Variants in MICAL3 observed in about 807,000 individuals in gnomAD.
The protein encoded by MICAL3 is microtubule associated monooxygenase, calponin and LIM domain containing 3.
A neutral mutation model predicts 207.4 loss-of-function variants in MICAL3; 62 were observed. That is an observed-to-expected ratio of 0.30 (90% CI 0.24 to 0.37). The LOEUF is 0.37. MICAL3 is among the 10% of genes least tolerant of loss of function. The pLI is 1.00. For missense variants in MICAL3, 2,368 were observed against 2,635.6 expected, an observed-to-expected ratio of 0.90 and a Z score of 2.22; for synonymous variants, 1,077 against 1,069.3, an observed-to-expected ratio of 1.01 and a Z score of -0.14.
intron 1 of MICAL3, among the ~76,000 whole-genome samples, chr22:17,996,657 C>T (rs1443353179): frequency 3.9e-5 from 6 of 152,126 alleles, no homozygotes; most frequent in Admixed American, 1.3e-4. Context: ...CCACCCATCA[C>T]CCAGGGGATC....
At chr22:17,798,018 C>T (rs1370804949) in intron 29 of MICAL3, among the ~76,000 whole-genome samples, 2 of 152,186 alleles carry the variant, frequency 1.3e-5, no homozygotes, top group African/African-American at 4.8e-5. Context: ...GTCCAGCAGA[C>T]CAAAAGAGGG....
chr22:18,019,296 A>G (rs1924277518), intron 1 of MICAL3: 1 of 155,708 alleles, frequency 6.4e-6, no homozygotes, highest in South Asian at 2.1e-4. Context: ...ACATCAATGA[A>G]AAGTTCTGAA....
At chr22:17,863,965 C>T (rs1014034532) in intron 19 of MICAL3, 19 of 985,350 alleles carry the variant, frequency 1.9e-5, no homozygotes, top group Non-Finnish European at 2.3e-5. Flanking sequence ...CAGACAGAAA[C>T]ACAGCCCTGC....
intron 1 of MICAL3, among the ~76,000 whole-genome samples, chr22:17,962,499 G>C (rs1001721429): frequency 6.6e-6 from 1 of 152,188 alleles, no homozygotes; most frequent in Non-Finnish European, 1.5e-5. Context: ...AAGCAGCACC[G>C]CCTGATTGCA....
In MICAL3 at chr22:17,789,965, C is replaced by G. The variant is rs2061811935; in HGVS notation, c.*767G>C. ...AATGTGGAACAGGGACAATGCCTGT[C>G]TGCCAACTGGGGGCTTAGAATGTAG... On this transcript the variant is annotated 3_prime_UTR_variant, in exon 32 of 32. Coordinates refer to ENST00000441493, the MANE Select transcript of MICAL3 (RefSeq NM_015241.3). The G allele has an allele frequency of 6.6e-6, 1 of 152,228 alleles. No homozygotes were observed. Among genetic ancestry groups the G allele is most frequent in the South Asian group, 2.1e-4 (1 of 4,834 alleles). 9.4% of individuals were successfully genotyped at this position (152,228 alleles called of 1,614,324 possible). A position where few individuals can be genotyped will look rare whatever the true frequency, so the allele number is the denominator to read the frequency against.
chr22:17,959,374 G>T (rs1286541128), intron 1 of MICAL3, among the ~76,000 whole-genome samples: 1 of 151,182 alleles, frequency 6.6e-6, no homozygotes, highest in Non-Finnish European at 1.5e-5. Flanking sequence ...GAGTGCAGTG[G>T]CGCAATCTTG....
chr22:17,792,909 G>A (rs2061838571), intron 29 of MICAL3, among the ~76,000 whole-genome samples: 1 of 152,230 alleles, frequency 6.6e-6, no homozygotes, highest in African/African-American at 2.4e-5. Context: ...TCCATGCATT[G>A]CTTTCGGAGC....
chr22:17,805,073 A>G (rs955427080), intron 29 of MICAL3, among the ~76,000 whole-genome samples: 5 of 152,244 alleles, frequency 3.3e-5, no homozygotes, highest in African/African-American at 4.8e-5. Flanking sequence ...CTTGGCTAAC[A>G]AAGTCTGACG....
intron 16 of MICAL3, chr22:17,876,721 T>TGGAGGTTAG (rs796827751): frequency 7.7e-6 from 1 of 129,178 alleles, no homozygotes; most frequent in East Asian, 2.7e-4. Flanking sequence ...AGGGAGGTTA[T>TGGAGGTTAG]GGAGGTTAGG....
rs1001800311 is a variant in MICAL3 at position 17,793,026 on chromosome 22, C to G, written c.5651-1725G>C. ...ACCAGGGAGTCTCTCCCGCTGCCCA[C>G]CTCCCCACGAAGATACAGAAAATGC... On this transcript the variant is annotated intron_variant, in intron 29 of 31. Transcript: ENST00000441493. This position sits in a 1 kb window ranked among gnomAD's most constrained non-coding sequence, Gnocchi z 4.1. Among the ~76,000 whole-genome samples, 1 of 152,162 alleles carries G rather than the reference C, an allele frequency of 6.6e-6. No individual in the cohort carries two copies. The highest frequency in any genetic ancestry group is 1.9e-4 in the East Asian group (1 of 5,158).
chr22:17,825,880 A>G (rs1922126564), intron 22 of MICAL3, among the ~76,000 whole-genome samples: 1 of 152,220 alleles, frequency 6.6e-6, no homozygotes, highest in Non-Finnish European at 1.5e-5. Flanking sequence ...AGGACAACTC[A>G]GGCTGCTCAA....
Position 17,889,354 on chromosome 22 carries a change from G to C in MICAL3, c.1695-124C>G, listed in dbSNP as rs920372134. On this transcript the variant is annotated intron_variant, in intron 12 of 31. Transcript: ENST00000441493. ...AAAATCCAGGGTGCTGTGCATCGCT[G>C]ACATTTGAGAGCAAACCTGTCTTAT... 4 of 623,344 alleles carry C rather than the reference G, an allele frequency of 6.4e-6. No individual in the cohort carries two copies. In the African/African-American group the frequency reaches 7.4e-5, roughly 12 times the overall value. The allele number at this position is 623,344 out of a possible 1,614,324, so 38.6% of individuals were successfully genotyped here.
chr22:17,825,631 C>T (rs1052441313), intron 22 of MICAL3, among the ~76,000 whole-genome samples: 2 of 152,180 alleles, frequency 1.3e-5, no homozygotes, highest in African/African-American at 2.4e-5. Context: ...CTCCCATGTC[C>T]GCATCCCAGA....
At position 17,967,744 on chromosome 22, in the gene MICAL3, T is replaced by C. The variant is rs185090658; in HGVS notation, c.-75+56537A>G. Among the ~76,000 whole-genome samples, 470 of 150,936 alleles carry C rather than the reference T, an allele frequency of 3.1e-3. 1 individual carries two copies. Among genetic ancestry groups the C allele is most frequent in the Middle Eastern group, 0.027 (8 of 294 alleles). ...GCAACACAGCGAAACCCCTTCTCTA[T>C]TGTAAAAATGACTAAAAATTGGCTG... is the stretch of plus-strand genomic sequence containing the variant. On this transcript the variant is annotated intron_variant, in intron 1 of 31. Transcript: ENST00000441493.
intron 19 of MICAL3, among the ~76,000 whole-genome samples, chr22:17,848,338 G>A (rs560483783): frequency 6.6e-6 from 1 of 152,306 alleles, no homozygotes; most frequent in Admixed American, 6.5e-5. Flanking sequence ...CAGTCCCTAT[G>A]TTCTCCCACA....
chr22:17,857,215 G>T (rs1433059585), intron 19 of MICAL3, among the ~76,000 whole-genome samples: 1 of 152,226 alleles, frequency 6.6e-6, no homozygotes, highest in East Asian at 1.9e-4. Flanking sequence ...AGGCCGCATA[G>T]CAGGAGGGGA....
intron 1 of MICAL3, among the ~76,000 whole-genome samples, chr22:17,970,800 T>TC (rs5844338): frequency 0.24 from 35,811 of 151,872 alleles, 4,807 homozygotes; most frequent in East Asian, 0.51. Flanking sequence ...GTTACGTCTT[T>TC]CCTATTATAT....
At position 17,919,076 on chromosome 22, in the gene MICAL3, G is replaced by GTTTTTTTTTTTTTTTT. The variant is rs35096617; in HGVS notation, c.-74-12191_-74-12190insAAAAAAAAAAAAAAAA. On this transcript the variant is annotated intron_variant, in intron 1 of 31. Coordinates refer to ENST00000441493, the MANE Select transcript of MICAL3 (RefSeq NM_015241.3). Reference sequence around the variant, plus strand: ...CTCCAAATGTTTTTGGTTTTTGTGGGTTTTTTTTTTTTTTGAGACAGGCTC... The same window carrying GTTTTTTTTTTTTTTTT: ...CTCCAAATGTTTTTGGTTTTTGTGGGTTTTTTTTTTTTTTTTTTTTTTTTTTTTTTGAGACAGGCTC... Among the ~76,000 whole-genome samples the GTTTTTTTTTTTTTTTT allele has an allele frequency of 5.3e-3, 718 of 136,274 alleles. 47 individuals carry two copies. Among genetic ancestry groups the GTTTTTTTTTTTTTTTT allele is most frequent in the African/African-American group, 0.021 (693 of 33,636 alleles). The allele number at this position is 136,274 out of a possible 152,430, so 89.4% of individuals were successfully genotyped here.
intron 7 of MICAL3, among the ~76,000 whole-genome samples, chr22:17,897,462 G>A (rs75925441): frequency 0.02 from 3,007 of 150,944 alleles, 94 homozygotes; most frequent in African/African-American, 0.069. Flanking sequence ...TTTGGGGGGT[G>A]GATTATTCCC....
Sources: allele counts gnomAD v4.1 joint callset (sites outside exome capture counted in the v4.1 genomes callset), GRCh38; gene constraint gnomAD v4.1.1; non-coding constraint Gnocchi (gnomAD v3.1); transcripts MANE v1.5; gene names NCBI Gene and HGNC (gene_info 2026-07-23, HGNC 2026-07-21).